Variants in PALM2AKAP2 observed in about 807,000 individuals in gnomAD.
The protein encoded by PALM2AKAP2 is PALM2 and AKAP2 fusion, also known as PALM2-AKAP2 fusion protein.
Under a neutral mutation model 71.5 loss-of-function variants are expected in PALM2AKAP2, and 37 were observed. The observed-to-expected ratio is 0.52, with a 90% CI of 0.40 to 0.68. The LOEUF (loss-of-function observed/expected upper bound fraction) is 0.68. PALM2AKAP2 is among the 30% of genes least tolerant of loss of function. The pLI is 0.00. For missense variants in PALM2AKAP2, 1,224 were observed against 1,191.8 expected (o/e 1.03, Z -0.40); for synonymous variants, 468 against 478.8 (o/e 0.98, Z 0.29).
intron 7 of PALM2AKAP2, among the ~76,000 whole-genome samples, chr9:110,037,626 G>C (rs1299955632): frequency 6.6e-6 from 1 of 152,176 alleles, no homozygotes; most frequent in Non-Finnish European, 1.5e-5. Flanking sequence ...AGATAGACAA[G>C]AAACAAGCAA....
At chr9:109,856,689 G>A (rs1317211163) in intron 1 of PALM2AKAP2, among the ~76,000 whole-genome samples, 2 of 152,122 alleles carry the variant, frequency 1.3e-5, no homozygotes, top group Non-Finnish European at 2.9e-5. Flanking sequence ...TCTAGGCAGG[G>A]AGATTATAGA....
At chr9:109,853,082 C>T (rs534960669) in intron 1 of PALM2AKAP2, among the ~76,000 whole-genome samples, 20 of 152,272 alleles carry the variant, frequency 1.3e-4, no homozygotes, top group African/African-American at 4.3e-4. Flanking sequence ...CTTAACACTT[C>T]ATAACTGGGG....
rs1033653702 is a variant in PALM2AKAP2 at position 110,131,383 on chromosome 9, A to G, written c.157-4744A>G. On this transcript the variant is annotated intron_variant, in intron 1 of 3. Coordinates refer to ENST00000374525, the Ensembl canonical transcript of PALM2AKAP2. ...TATCCTCCTGTTTTTGCATTGGGGCATAGTTCATTTCAAAAAGGACTTTCC... is the reference window on the plus strand; with the variant it reads ...TATCCTCCTGTTTTTGCATTGGGGCGTAGTTCATTTCAAAAAGGACTTTCC... 3.9e-5 allele frequency among the ~76,000 whole-genome samples: 6 copies of G among 152,232 alleles called. 1 individual carries two copies. In the East Asian group the frequency reaches 1.2e-3, roughly 29 times the overall value.
intron 1 of PALM2AKAP2, among the ~76,000 whole-genome samples, chr9:110,068,648 C>G (rs554273965): frequency 1.3e-5 from 2 of 152,202 alleles, no homozygotes; most frequent in African/African-American, 4.8e-5. Context: ...CCTCCCACCT[C>G]AGCCTCCCGA....
intron 6 of PALM2AKAP2, among the ~76,000 whole-genome samples, chr9:109,941,789 G>A (rs1039966192): frequency 6.6e-6 from 1 of 152,160 alleles, no homozygotes; most frequent in Non-Finnish European, 1.5e-5. Context: ...GAATTAGAAA[G>A]GATACAAGAC....
intron 3 of PALM2AKAP2, among the ~76,000 whole-genome samples, chr9:109,881,761 A>T (rs1312556643): frequency 6.6e-6 from 1 of 151,920 alleles, no homozygotes; most frequent in African/African-American, 2.4e-5. Flanking sequence ...TAGGGATGGA[A>T]GGTGGTAAGC....
intron 7 of PALM2AKAP2, among the ~76,000 whole-genome samples, chr9:110,023,301 G>GTTTTTTTTTTTTTT (rs1292412365): frequency 9.9e-6 from 1 of 101,418 alleles, no homozygotes; most frequent in Admixed American, 1.2e-4. Context: ...TCTCATTGTG[G>GTTTTTTTTTTTTTT]TTTCTTTTTT....
At chr9:109,712,389 T>C (rs1828255898) in intron 1 of PALM2AKAP2, among the ~76,000 whole-genome samples, 1 of 152,236 alleles carries the variant, frequency 6.6e-6, no homozygotes, top group Admixed American at 6.5e-5. Flanking sequence ...GCAAGGAGGC[T>C]CTTTTATCTC....
At chr9:109,655,650 C>T (rs1827293385) in intron 1 of PALM2AKAP2, among the ~76,000 whole-genome samples, 1 of 152,130 alleles carries the variant, frequency 6.6e-6, no homozygotes, top group African/African-American at 2.4e-5. Context: ...GTGAAACTGC[C>T]TACTCTAGGT....
At chr9:110,024,440 T>C (rs1033432957) in intron 7 of PALM2AKAP2, among the ~76,000 whole-genome samples, 3 of 152,152 alleles carry the variant, frequency 2.0e-5, no homozygotes, top group African/African-American at 7.2e-5. Flanking sequence ...CATTGTAGCC[T>C]CAATCACTAT....
intron 1 of PALM2AKAP2, among the ~76,000 whole-genome samples, chr9:109,748,030 C>T (rs1828830058): frequency 6.6e-6 from 1 of 152,210 alleles, no homozygotes; most frequent in Non-Finnish European, 1.5e-5. Flanking sequence ...ATTCTGTTGA[C>T]AGTTTCAACA....
At chr9:110,026,902 G>C (rs1003899948) in intron 7 of PALM2AKAP2, among the ~76,000 whole-genome samples, 9 of 152,102 alleles carry the variant, frequency 5.9e-5, no homozygotes, top group Non-Finnish European at 1.2e-4. Context: ...AATTAGCTGG[G>C]TGTGGTGGCA....
At chr9:109,689,706 C>A (rs555187514) in intron 1 of PALM2AKAP2, among the ~76,000 whole-genome samples, 6 of 152,320 alleles carry the variant, frequency 3.9e-5, no homozygotes, top group African/African-American at 1.4e-4. Context: ...GTGTGAGACT[C>A]ACATGAGGCT....
intron 3 of PALM2AKAP2, among the ~76,000 whole-genome samples, chr9:109,902,108 C>T (rs922153550): frequency 6.6e-6 from 1 of 152,192 alleles, no homozygotes; most frequent in Non-Finnish European, 1.5e-5. Flanking sequence ...GTACGTTTTT[C>T]AGTATCAGAC....
At chr9:110,053,922 C>T (rs975978312) in intron 1 of PALM2AKAP2, among the ~76,000 whole-genome samples, 1 of 152,150 alleles carries the variant, frequency 6.6e-6, no homozygotes, top group Non-Finnish European at 1.5e-5. Flanking sequence ...TGGGCAGGGG[C>T]TTTGTGGTTG....
At chr9:110,114,740 G>A (rs976939556) in intron 1 of PALM2AKAP2, among the ~76,000 whole-genome samples, 1 of 152,174 alleles carries the variant, frequency 6.6e-6, no homozygotes, top group African/African-American at 2.4e-5. Context: ...TCTCTGGAGG[G>A]TAAACAGGAT....
chr9:109,655,297 TCAAA>T (rs1564102799), intron 1 of PALM2AKAP2, among the ~76,000 whole-genome samples: 1 of 33,898 alleles, frequency 3.0e-5, no homozygotes. Flanking sequence ...AGACTCGGTC[TCAAA>T]AAAAAAAAAA....
At chr9:110,048,481 T>C, upstream of PALM2AKAP2, 2 of 538,400 alleles carry the variant, frequency 3.7e-6, no homozygotes, top group Non-Finnish European at 6.4e-6. Context: ...CTCTCTCCAG[T>C]CTCTGCATTC....
chr9:109,823,609 G>T (rs1390766721), intron 1 of PALM2AKAP2, among the ~76,000 whole-genome samples: 1 of 152,126 alleles, frequency 6.6e-6, no homozygotes, highest in Non-Finnish European at 1.5e-5. Context: ...AGATACAGAA[G>T]AACCTTCTCC....
Sources: gnomAD v4.1 joint callset for allele counts (sites outside exome capture counted in the v4.1 genomes callset) on GRCh38, gnomAD v4.1.1 for gene constraint, MANE v1.5 for transcripts, NCBI Gene and HGNC (gene_info 2026-07-23, HGNC 2026-07-21) for gene names.